The following BCO1 variants were observed in gnomAD, a reference collection of about 807,000 sequenced individuals.
The protein encoded by BCO1 is beta,beta-carotene 15,15'-dioxygenase.
A neutral mutation model predicts 56.3 loss-of-function variants in BCO1; 54 were observed. That is an observed-to-expected ratio of 0.96 (90% CI 0.77 to 1.20). The LOEUF is 1.20. Ranked by LOEUF, BCO1 falls within the 50% of genes most tolerant of loss-of-function variation. BCO1 has a pLI of 0.00. For missense variants in BCO1, 801 were observed against 690.9 expected (o/e 1.16, Z -1.79); for synonymous variants, 318 against 266.1 (o/e 1.20, Z -1.90).
At chr16:81,275,453 A>C (rs1031873926) in intron 7 of BCO1, among the ~76,000 whole-genome samples, 3 of 152,222 alleles carry the variant, frequency 2.0e-5, no homozygotes, top group Non-Finnish European at 4.4e-5. Flanking sequence ...ATGACCCCGC[A>C]GCTGAGTCCG....
At chr16:81,270,023 GCACA>G (rs1281688250) in intron 6 of BCO1, 132 bp from the exon 7 acceptor site, 16 of 1,105,072 alleles carry the variant, frequency 1.4e-5, no homozygotes, top group Non-Finnish European at 1.9e-5. Flanking sequence ...GTGTTGTGGA[GCACA>G]CACAGAATGC....
At position 81,264,759 on chromosome 16, in the gene BCO1, G is replaced by A. The variant is rs1325488859; in HGVS notation, c.591G>A (p.Val197=). 1 of 1,614,166 alleles carries A rather than the reference G, an allele frequency of 6.2e-7. No homozygotes were observed. The change falls in exon 5 of 11, where the codon GTG becomes GTA. Residue 197 remains valine (V), a synonymous_variant. Transcript: ENST00000258168. ...TGGAAAAGGGGAAGACAAAGTATGT[G>A]ATTTTTAAGATCCCTGCCACAGTAC... ...SIVEKGKTKY[V]IFKIPATVPE...
intron 5 of BCO1, among the ~76,000 whole-genome samples, chr16:81,266,132 C>G (rs1906813714): frequency 6.6e-6 from 1 of 152,218 alleles, no homozygotes; most frequent in South Asian, 2.1e-4. Flanking sequence ...CCCCTGCAGC[C>G]AAGTTTCCAG....
At chr16:81,257,877 C>G (rs1364231151) in intron 2 of BCO1, among the ~76,000 whole-genome samples, 1 of 137,582 alleles carries the variant, frequency 7.3e-6, no homozygotes, top group Non-Finnish European at 1.5e-5. Context: ...GAGACTCCAT[C>G]TCAAAAAAAA....
intron 8 of BCO1, among the ~76,000 whole-genome samples, 192 bp from the exon 9 acceptor site, chr16:81,285,348 G>A (rs1908116742): frequency 6.6e-6 from 1 of 152,152 alleles, no homozygotes; most frequent in African/African-American, 2.4e-5. Context: ...TAATAGAGCT[G>A]GGGTAATTAA....
At chr16:81,255,531 G>C (rs913461428) in intron 2 of BCO1, among the ~76,000 whole-genome samples, 2 of 150,384 alleles carry the variant, frequency 1.3e-5, no homozygotes, top group Non-Finnish European at 1.5e-5. Flanking sequence ...ATGGAGTCTC[G>C]CTCTGTTGCC....
At chr16:81,266,927 T>G (rs1425101827) in intron 5 of BCO1, among the ~76,000 whole-genome samples, 2 of 152,108 alleles carry the variant, frequency 1.3e-5, no homozygotes, top group Non-Finnish European at 2.9e-5. Flanking sequence ...CAGCCAGCTG[T>G]TTACAGGGTG....
rs1344228704 is a variant in BCO1, at chr16:81,285,583, A to G, written c.1251A>G (p.Gln417=). 2 of 1,613,830 alleles carry G rather than the reference A, an allele frequency of 1.2e-6. No homozygotes were observed. The highest frequency in any genetic ancestry group is 1.7e-6 in the Non-Finnish European group (2 of 1,179,816). Residue 417 remains glutamine, a synonymous_variant, in exon 9 of 11, where the codon CAA becomes CAG. Transcript: ENST00000258168. ...PRVNYAHNGK[Q]YRYVFATGVQ... ...TCAATTATGCTCACAATGGAAAGCA[A>G]TACCGATATGTCTTTGCTACAGGAG... is the stretch of plus-strand genomic sequence containing the variant.
At chr16:81,259,587 C>T in intron 2 of BCO1, 89 bp from the exon 3 acceptor site, 1 of 1,550,688 alleles carries the variant, frequency 6.4e-7, no homozygotes, top group Non-Finnish European at 8.9e-7. Flanking sequence ...CCACCTTCTT[C>T]TCCCAGTAAA....
intron 2 of BCO1, among the ~76,000 whole-genome samples, chr16:81,248,998 T>C (rs1161132796): frequency 2.6e-5 from 4 of 151,854 alleles, no homozygotes; most frequent in Non-Finnish European, 5.9e-5. Flanking sequence ...GGTGACACAG[T>C]GAGACTCCGT....
chr16:81,262,994 C>T (rs1414324990), intron 4 of BCO1: 1 of 152,782 alleles, frequency 6.5e-6, no homozygotes, highest in Non-Finnish European at 1.5e-5. Flanking sequence ...TTCCTGGCTT[C>T]TAGCGGTTGC....
chr16:81,280,925 T>C lies in BCO1; in HGVS notation c.1170T>C (p.Asp390=), dbSNP rs1160020479. 4.3e-6 allele frequency: 7 copies of C among 1,613,988 alleles called. No individual in the cohort carries two copies. The highest frequency in any genetic ancestry group is 2.2e-5 in the East Asian group (1 of 44,890). Residue 390 remains aspartate (D), a synonymous_variant, in exon 8 of 11, where the codon GAT becomes GAC. Coordinates refer to ENST00000258168, the MANE Select transcript of BCO1 (RefSeq NM_017429.3). ...STTATALKEE[D]GQVYCQPEFL... The stretch of plus-strand genomic sequence containing the variant: ...CAGCCACGGCCCTGAAGGAAGAAGA[T>C]GGCCAAGTCTACTGCCAGCCGGAAT...
At chr16:81,278,294 G>A (rs757731281) in intron 7 of BCO1, among the ~76,000 whole-genome samples, 6 of 152,076 alleles carry the variant, frequency 3.9e-5, no homozygotes, top group Non-Finnish European at 7.4e-5. Flanking sequence ...CACCCACCTC[G>A]GCCTCCCAAA....
At chr16:81,283,711 C>T (rs760136292) in intron 8 of BCO1, among the ~76,000 whole-genome samples, 4 of 152,012 alleles carry the variant, frequency 2.6e-5, no homozygotes, top group Non-Finnish European at 5.9e-5. Flanking sequence ...ATTCCCCTTC[C>T]CGCCCCACTG....
chr16:81,257,015 T>G (rs528714780), intron 2 of BCO1, among the ~76,000 whole-genome samples: 1 of 152,196 alleles, frequency 6.6e-6, no homozygotes, highest in Non-Finnish European at 1.5e-5. Flanking sequence ...ACTCAACGCC[T>G]GCAAGAAGGG....
chr16:81,266,762 C>T (rs987320147), intron 5 of BCO1, among the ~76,000 whole-genome samples: 2 of 152,182 alleles, frequency 1.3e-5, no homozygotes, highest in African/African-American at 4.8e-5. Context: ...AAGCAGAGAT[C>T]CTCTGAGCAC....
rs201179938 is a variant in BCO1, at chr16:81,290,428, G to A, written c.1495G>A (p.Glu499Lys). 1.2e-6 allele frequency: 2 copies of A among 1,614,164 alleles called. No homozygotes were observed. Among genetic ancestry groups the A allele is most frequent in the Non-Finnish European group, 1.7e-6 (2 of 1,180,036 alleles). The change falls in exon 11 of 11, where the codon GAA becomes AAA. Residue 499 changes from glutamate (E) to lysine (K), a missense_variant. Glu to Lys is a moderately conservative substitution (Grantham distance 56). Transcript: ENST00000258168. ...LLILDAKSFT[E>K]LARASVDVDM... ...CATTCTGGATGCCAAAAGCTTTACG[G>A]AATTGGCCCGTGCCTCTGTTGATGT...
chr16:81,250,789 C>G (rs1429515204), intron 2 of BCO1, among the ~76,000 whole-genome samples: 1 of 152,070 alleles, frequency 6.6e-6, no homozygotes, highest in African/African-American at 2.4e-5. Context: ...CCATGTTGGC[C>G]AGGTTGGTCT....
chr16:81,289,784 A>G (rs1352492271), intron 10 of BCO1, among the ~76,000 whole-genome samples: 1 of 152,184 alleles, frequency 6.6e-6, no homozygotes, highest in Non-Finnish European at 1.5e-5. Context: ...ATCTCTACAG[A>G]TGAAGAGACT....
Sources: gnomAD v4.1 joint callset for allele counts (sites outside exome capture counted in the v4.1 genomes callset) on GRCh38, gnomAD v4.1.1 for gene constraint, MANE v1.5 for transcripts, NCBI Gene and HGNC (gene_info 2026-07-23, HGNC 2026-07-21) for gene names.